Variants in ZNF430 observed in about 807,000 individuals in gnomAD.
ZNF430 encodes zinc finger protein 430.
In ZNF430, 35 loss-of-function variants were observed where a neutral mutation model predicts 56.7. That is an observed-to-expected ratio of 0.62 (90% CI 0.47 to 0.82). The LOEUF is 0.82. Among genes scored for constraint, ZNF430 ranks in the 40% least tolerant of loss-of-function variants. The pLI is 0.00. For synonymous variants in ZNF430, 212 were observed against 224.3 expected (o/e 0.94, Z 0.49); for missense variants, 574 against 661.0 (o/e 0.87, Z 1.44).
At chr19:21,029,249 C>CA (rs889304584) in intron 2 of ZNF430, among the ~76,000 whole-genome samples, 1 of 151,450 alleles carries the variant, frequency 6.6e-6, no homozygotes, top group African/African-American at 2.4e-5. Flanking sequence ...TAGATGTGTC[C>CA]AAAAAAAATT....
intron 1 of ZNF430, 123 bp downstream of exon 1, chr19:21,020,926 G>A (rs1193906303): frequency 1.5e-6 from 2 of 1,362,840 alleles, no homozygotes; most frequent in Non-Finnish European, 2.1e-6. Context: ...CCGAGTTCTT[G>A]CCCAGCTGGG....
rs1412220797 is a variant in ZNF430 at position 21,022,794 on chromosome 19, C to T, written c.9C>T (p.Asn3=). ME[N]LKSGVYPLKE... is the part of the protein sequence containing the mutation. ...TGGGTTATTTTCTCCCATAGGAGAA[C>T]CTGAAGTCTGGAGTGTATCCTCTCA... Residue 3 remains asparagine (N), a synonymous_variant, in exon 2 of 5, where the codon AAC becomes AAT. Coordinates refer to ENST00000261560, the MANE Select transcript of ZNF430 (RefSeq NM_025189.4). 4 of 1,610,870 alleles carry T rather than the reference C, an allele frequency of 2.5e-6. No homozygotes were observed. The Admixed American group carries it at 6.7e-5, about 27-fold the overall frequency.
At chr19:21,054,654 T>C (rs1251569052) in intron 4 of ZNF430, among the ~76,000 whole-genome samples, 6 of 150,020 alleles carry the variant, frequency 4.0e-5, no homozygotes, top group Non-Finnish European at 1.5e-5. Flanking sequence ...TTTTTGAGCT[T>C]CTTCATTTTT....
At chr19:21,054,706 C>T (rs1168244978) in intron 4 of ZNF430, among the ~76,000 whole-genome samples, 2 of 118,508 alleles carry the variant, frequency 1.7e-5, no homozygotes, top group South Asian at 2.5e-4. Flanking sequence ...GACGGAGTCT[C>T]GCTCTGTCGC....
chr19:21,043,032 G>A (rs1378409180), intron 4 of ZNF430, among the ~76,000 whole-genome samples: 1 of 115,864 alleles, frequency 8.6e-6, no homozygotes, highest in Non-Finnish European at 1.7e-5. Context: ...TTTGTCAGAT[G>A]AATAGGTTGC....
intron 2 of ZNF430, among the ~76,000 whole-genome samples, chr19:21,025,237 G>A (rs1012818301): frequency 3.9e-5 from 6 of 152,124 alleles, no homozygotes; most frequent in Non-Finnish European, 7.4e-5. Context: ...AACAAGGGGT[G>A]GATTATTTTT....
chr19:21,044,411 C>G (rs980210906), intron 4 of ZNF430, among the ~76,000 whole-genome samples: 1 of 152,080 alleles, frequency 6.6e-6, no homozygotes, highest in Admixed American at 6.6e-5. Flanking sequence ...TTGAAATAGC[C>G]TTGCATCCCA....
At chr19:21,051,117 A>G (rs1895321310) in intron 4 of ZNF430, among the ~76,000 whole-genome samples, 1 of 152,208 alleles carries the variant, frequency 6.6e-6, no homozygotes, top group African/African-American at 2.4e-5. Flanking sequence ...GCAAAGCTAA[A>G]TCTCAATACA....
chr19:21,022,849 A>T lies in ZNF430; in HGVS notation c.64A>T (p.Arg22Trp). The T allele has an allele frequency of 6.2e-7, 1 of 1,613,958 alleles. No homozygotes were observed. The part of the protein sequence containing the change: ...KEASGCPGAD[R>W]NLLVYSFYEK... ...AGCAAGTGGATGCCCTGGGGCTGACAGGAATCTTCTGGTGTACTCTTTTTA... is the reference window on the plus strand; with the variant it reads ...AGCAAGTGGATGCCCTGGGGCTGACTGGAATCTTCTGGTGTACTCTTTTTA... Residue 22 changes from arginine to tryptophan, a missense_variant, in exon 2 of 5, where the codon AGG (arginine) becomes TGG (tryptophan). Physicochemically the swap from Arg to Trp is moderately radical, Grantham distance 101. Coordinates refer to ENST00000261560, the MANE Select transcript of ZNF430 (RefSeq NM_025189.4).
At chr19:21,035,073 T>C (rs1967973398) in intron 4 of ZNF430, 1 of 152,224 alleles carries the variant, frequency 6.6e-6, no homozygotes, top group Non-Finnish European at 1.5e-5. Flanking sequence ...TTGTAAATTT[T>C]AGAATTGTAT....
intron 2 of ZNF430, among the ~76,000 whole-genome samples, chr19:21,024,675 G>A (rs918867413): frequency 2.0e-5 from 3 of 152,076 alleles, no homozygotes; most frequent in African/African-American, 4.8e-5. Flanking sequence ...AGCTACTCGG[G>A]AGGCTGAGGC....
Position 21,039,400 on chromosome 19 carries a change from G to GTT in ZNF430, c.322+5226_322+5227dup, listed in dbSNP as rs71174788. ...GTGAGCCACTACACTCGGCCCATGT[G>GTT]TTTTTTTTTTTCAAATATATTATTG... On this transcript the variant is annotated intron_variant, in intron 4 of 4. Transcript: ENST00000261560. Among the ~76,000 whole-genome samples, 258 of 140,068 alleles carry GTT rather than the reference G, an allele frequency of 1.8e-3. 2 individuals carry two copies. Among genetic ancestry groups the GTT allele is most frequent in the African/African-American group, 4.9e-3 (183 of 37,668 alleles). 91.9% of individuals were successfully genotyped at this position (140,068 alleles called of 152,430 possible).
At chr19:21,047,841 A>G (rs1193260995) in intron 4 of ZNF430, among the ~76,000 whole-genome samples, 9 of 152,204 alleles carry the variant, frequency 5.9e-5, no homozygotes, top group Non-Finnish European at 1.2e-4. Context: ...GAACCACTTA[A>G]GAAAGCACTC....
In ZNF430 at chr19:21,057,767, T is replaced by C. The variant is rs1668845736; in HGVS notation, c.1459T>C (p.Cys487Arg). The C allele has an allele frequency of 6.2e-7, 1 of 1,613,708 alleles. No individual in the cohort carries two copies. The highest frequency in any genetic ancestry group is 1.3e-5 in the African/African-American group (1 of 74,916). Residue 487 changes from cysteine to arginine, a missense_variant, in exon 5 of 5, where the codon TGT becomes CGT. Around this residue, in one of 3 missense-constraint regions of ZNF430, gnomAD observed 213 missense variants for 221.0 expected, o/e 0.96. Transcript: ENST00000261560. ...VIHSGEKPYK[C>R]EECGKAFNQF... is the part of the protein sequence containing the mutation. ...TCATTCTGGAGAGAAACCCTACAAA[T>C]GTGAAGAATGTGGCAAAGCTTTTAA...
intron 4 of ZNF430, among the ~76,000 whole-genome samples, chr19:21,048,633 TC>T: frequency 6.6e-6 from 1 of 152,084 alleles, no homozygotes; most frequent in Non-Finnish European, 1.5e-5. Flanking sequence ...TTCCCCACAT[TC>T]CCCCCTTTTC....
chr19:21,026,829 T>TTTTTTA (rs1789075552), intron 2 of ZNF430, among the ~76,000 whole-genome samples: 1 of 75,354 alleles, frequency 1.3e-5, no homozygotes. Context: ...TTTCTTTTCT[T>TTTTTTA]TTTTTTTTTT....
intron 4 of ZNF430, chr19:21,053,621 T>A (rs1968320289): frequency 6.6e-6 from 1 of 152,228 alleles, no homozygotes; most frequent in African/African-American, 2.4e-5. Flanking sequence ...CTCAAACTCC[T>A]GACCTCAGGC....
At chr19:21,037,649 CATTT>C (rs1968028242) in intron 4 of ZNF430, among the ~76,000 whole-genome samples, 1 of 152,096 alleles carries the variant, frequency 6.6e-6, no homozygotes, top group African/African-American at 2.4e-5. Flanking sequence ...ACTTGAGAAA[CATTT>C]ATAACATTTA....
chr19:21,043,003 T>A (rs74324064), intron 4 of ZNF430, among the ~76,000 whole-genome samples: 7,104 of 152,226 alleles, frequency 0.047, 560 homozygotes, highest in African/African-American at 0.16. Context: ...AAGTTCCTTT[T>A]AGACTCTGGA....
Sources: gnomAD v4.1 joint callset for allele counts (sites outside exome capture counted in the v4.1 genomes callset) on GRCh38, gnomAD v4.1.1 for gene constraint, gnomAD v4.1.1 regional missense constraint, MANE v1.5 for transcripts, NCBI Gene and HGNC (gene_info 2026-07-23, HGNC 2026-07-21) for gene names.